BRCA1: variants seen among roughly 807,000 people sequenced by gnomAD.
BRCA1 encodes the protein breast cancer type 1 susceptibility protein.
In BRCA1, 140 loss-of-function variants were observed where a neutral mutation model predicts 173.7. The observed-to-expected ratio is 0.81, with a 90% CI of 0.70 to 0.93. The LOEUF is 0.93. Among genes scored for constraint, BRCA1 ranks in the 40% least tolerant of loss-of-function variants. BRCA1 has a pLI of 0.00. For missense variants in BRCA1, 1,983 were observed against 2,172.5 expected (o/e 0.91, Z 1.73); for synonymous variants, 662 against 756.0 (o/e 0.88, Z 2.04).
chr17:43,145,412 C>T (rs1243066379), intron 1 of BRCA1, among the ~76,000 whole-genome samples: 1 of 151,140 alleles, frequency 6.6e-6, no homozygotes, highest in Non-Finnish European at 1.5e-5. Flanking sequence ...CTGCAAGCTC[C>T]GCCTCCCGGG....
chr17:43,143,360 A>G (rs753458553), intron 1 of BRCA1, among the ~76,000 whole-genome samples: 3 of 152,138 alleles, frequency 2.0e-5, no homozygotes, highest in Admixed American at 6.6e-5. Flanking sequence ...GCTAAAGAAC[A>G]GGTGTCTTTT....
rs1555592934 is a variant in BRCA1 at position 43,094,650 on chromosome 17, T to C, written c.881A>G (p.Lys294Arg). The C allele has an allele frequency of 6.2e-7, 1 of 1,614,178 alleles. No individual in the cohort carries two copies. Among genetic ancestry groups the C allele is most frequent in the East Asian group, 2.2e-5 (1 of 44,880 alleles). ...QHENSSLLLT[K>R]DRMNVEKAEF... The stretch of plus-strand genomic sequence containing the variant: ...AGCCTTTTCTACATTCATTCTGTCT[T>C]TAGTGAGTAATAAACTGCTGTTCTC... The change falls in exon 10 of 23, where the codon AAA (lysine) becomes AGA (arginine). Residue 294 changes from lysine to arginine, a missense_variant. Lys to Arg is a conservative substitution (Grantham distance 26). Coordinates refer to ENST00000357654, the MANE Select transcript of BRCA1 (RefSeq NM_007294.4).
chr17:43,047,758 C>A (rs2152820535), intron 21 of BRCA1, 55 bp from the exon 22 acceptor site: 1 of 1,580,374 alleles, frequency 6.3e-7, no homozygotes. Context: ...ACTACTGGAA[C>A]TGTCACTTCA....
At chr17:43,082,143 G>A (rs1464590474) in intron 12 of BRCA1, among the ~76,000 whole-genome samples, 1 of 152,196 alleles carries the variant, frequency 6.6e-6, no homozygotes, top group Non-Finnish European at 1.5e-5. Flanking sequence ...CAAGAGCTAT[G>A]TTGTATACCA....
At position 43,106,126 on chromosome 17, in the gene BRCA1, A is replaced by G. The variant is rs2054749774; in HGVS notation, c.212+330T>C. On this transcript the variant is annotated intron_variant, in intron 4 of 22. Transcript: ENST00000357654. ...AGAGCAGGACCCTGTCTTAAAAAAA[A>G]AAAAAAAAAGAAAAGGAAACACAAT... 2.0e-5 allele frequency among the ~76,000 whole-genome samples: 3 copies of G among 152,006 alleles called. No individual in the cohort carries two copies. The South Asian group carries it at 6.2e-4, about 32-fold the overall frequency.
At chr17:43,082,863 G>A in intron 11 of BRCA1, 1 of 431,638 alleles carries the variant, frequency 2.3e-6, no homozygotes, top group East Asian at 4.3e-5. Flanking sequence ...TAAAGCTAGG[G>A]AGTGAAAAAA....
chr17:43,117,781 T>C (rs1597914682), intron 2 of BRCA1, among the ~76,000 whole-genome samples: 1 of 151,900 alleles, frequency 6.6e-6, no homozygotes, highest in African/African-American at 2.4e-5. Context: ...AGAAAATACA[T>C]CACCCAAGTT....
At chr17:43,139,854 C>G (rs1287131747) in intron 1 of BRCA1, 2 of 468,782 alleles carry the variant, frequency 4.3e-6, no homozygotes, top group Admixed American at 2.3e-5. Flanking sequence ...ATCTGTGTTC[C>G]TACAAAAGAG....
At position 43,099,768 on chromosome 17, in the gene BRCA1, C is replaced by T. The variant is rs772583635; in HGVS notation, c.547+7G>A. On this transcript the variant is annotated splice_region_variant and intron_variant, in intron 7 of 22. Coordinates refer to ENST00000357654, the MANE Select transcript of BRCA1 (RefSeq NM_007294.4). ...TATTAAATACTTAAAAAACCTGAGA[C>T]CCTTACCCAATTCAATGTAGACAGA... The T allele has an allele frequency of 6.3e-7, 1 of 1,594,136 alleles. No individual in the cohort carries two copies. The highest frequency in any genetic ancestry group is 8.6e-7 in the Non-Finnish European group (1 of 1,161,982).
At chr17:43,109,843 T>C (rs1567814328) in intron 3 of BRCA1, among the ~76,000 whole-genome samples, 3 of 151,820 alleles carry the variant, frequency 2.0e-5, no homozygotes, top group African/African-American at 7.3e-5. Context: ...TACAATTATA[T>C]AAATAATTCA....
rs866243731 is a variant in BRCA1, at chr17:43,100,690, T to C, written c.442-810A>G. ...TATATATATATATAATATATATATATATATATATATATGTAATCCCAGCAC... is the reference window on the plus strand; with the variant it reads ...TATATATATATATAATATATATATACATATATATATATGTAATCCCAGCAC... On this transcript the variant is annotated intron_variant, in intron 6 of 22. Coordinates refer to ENST00000357654, the MANE Select transcript of BRCA1 (RefSeq NM_007294.4). Among the ~76,000 whole-genome samples, 114 of 94,222 alleles carry C rather than the reference T, an allele frequency of 1.2e-3. 6 individuals carry two copies. Among genetic ancestry groups the C allele is most frequent in the African/African-American group, 5.6e-3 (105 of 18,682 alleles). 61.8% of individuals were successfully genotyped at this position (94,222 alleles called of 152,430 possible).
intron 10 of BRCA1, 168 bp from the exon 11 acceptor site, chr17:43,091,200 G>C (rs1567788765): frequency 1.1e-6 from 1 of 874,474 alleles, no homozygotes; most frequent in Non-Finnish European, 1.8e-6. Flanking sequence ...AATGAAACCA[G>C]AAGTAAGTCC....
chr17:43,090,214 G>T (rs2053394627), intron 11 of BRCA1, among the ~76,000 whole-genome samples: 1 of 152,116 alleles, frequency 6.6e-6, no homozygotes, highest in Non-Finnish European at 1.5e-5. Flanking sequence ...CTGGCTGTGT[G>T]GCCTTAGGCA....
At chr17:43,050,469 C>T (rs555179190) in intron 20 of BRCA1, among the ~76,000 whole-genome samples, 10 of 151,744 alleles carry the variant, frequency 6.6e-5, no homozygotes, top group African/African-American at 9.7e-5. Context: ...AAAAATTAGT[C>T]GGGCGTGGTG....
intron 22 of BRCA1, among the ~76,000 whole-genome samples, chr17:43,047,014 G>A (rs1390932784): frequency 1.3e-5 from 2 of 152,144 alleles, no homozygotes; most frequent in Non-Finnish European, 2.9e-5. Flanking sequence ...GTATATATAC[G>A]CACATATGCC....
intron 12 of BRCA1, chr17:43,079,641 A>G: frequency 1.2e-6 from 1 of 861,388 alleles, no homozygotes; most frequent in East Asian, 2.4e-5. Flanking sequence ...AATGATCAGA[A>G]AAAGAAAGAA....
chr17:43,130,757 G>C (rs1290003899), intron 1 of BRCA1, among the ~76,000 whole-genome samples: 1 of 152,228 alleles, frequency 6.6e-6, no homozygotes, highest in Non-Finnish European at 1.5e-5. Flanking sequence ...GAAGCTCAAA[G>C]GTGAACTGAC....
At chr17:43,138,561 C>T in intron 1 of BRCA1, 1 of 692,248 alleles carries the variant, frequency 1.4e-6, no homozygotes, top group Non-Finnish European at 2.7e-6. Flanking sequence ...CAGGACACCT[C>T]CAAGTATAAG....
At chr17:43,141,599 G>A (rs1021055140) in intron 1 of BRCA1, among the ~76,000 whole-genome samples, 35 of 151,944 alleles carry the variant, frequency 2.3e-4, no homozygotes, top group African/African-American at 7.5e-4. Context: ...CGGATCACGA[G>A]GTCAGGAGAT....
Sources: gnomAD v4.1 joint callset for allele counts (sites outside exome capture counted in the v4.1 genomes callset) on GRCh38, gnomAD v4.1.1 for gene constraint, MANE v1.5 for transcripts, NCBI Gene and HGNC (gene_info 2026-07-23, HGNC 2026-07-21) for gene names.